Variants in GRTP1 observed in about 807,000 individuals in gnomAD.
GRTP1 encodes growth hormone-regulated TBC protein 1.
Under a neutral mutation model 38.1 loss-of-function variants are expected in GRTP1, and 56 were observed. That is an observed-to-expected ratio of 1.47 (90% CI 1.19 to 1.84). The LOEUF (loss-of-function observed/expected upper bound fraction) is 1.84. Ranked by LOEUF, GRTP1 falls within the 40% of genes most tolerant of loss-of-function variation. The pLI, the probability that GRTP1 is intolerant of heterozygous loss-of-function variation, is 0.00. For missense variants in GRTP1, 506 were observed against 453.9 expected (o/e 1.11, Z -1.04); for synonymous variants, 217 against 189.5 (o/e 1.14, Z -1.19).
chr13:113,358,938 C>A (rs1372667181), intron 2 of GRTP1, among the ~76,000 whole-genome samples: 5 of 152,164 alleles, frequency 3.3e-5, no homozygotes, highest in African/African-American at 9.7e-5. Context: ...AAATGAAGAC[C>A]AAGTTCACAC....
chr13:113,336,011 G>A (rs2042949357), intron 5 of GRTP1, among the ~76,000 whole-genome samples: 1 of 151,882 alleles, frequency 6.6e-6, no homozygotes, highest in Non-Finnish European at 1.5e-5. Context: ...AGGCTGGTCT[G>A]AAACTCCTGA....
intron 4 of GRTP1, 72 bp downstream of exon 4, chr13:113,350,777 T>TG (rs2043250120): frequency 7.2e-7 from 1 of 1,382,686 alleles, no homozygotes; most frequent in South Asian, 1.5e-5. Context: ...AGGCCGTCAC[T>TG]GCCGAGCCTG....
intron 3 of GRTP1, among the ~76,000 whole-genome samples, chr13:113,352,177 T>A (rs1447177624): frequency 6.8e-6 from 1 of 147,370 alleles, no homozygotes; most frequent in African/African-American, 2.5e-5. Flanking sequence ...TATTTCAGAC[T>A]AGAGTGACCA....
chr13:113,334,979 C>T (rs536575880), intron 5 of GRTP1, among the ~76,000 whole-genome samples: 10 of 151,948 alleles, frequency 6.6e-5, no homozygotes, highest in East Asian at 3.9e-4. Context: ...CCCGCCACCA[C>T]GCCCGGCTAA....
At chr13:113,340,546 A>G (rs564024373) in intron 5 of GRTP1, among the ~76,000 whole-genome samples, 96 of 152,102 alleles carry the variant, frequency 6.3e-4, no homozygotes, top group African/African-American at 2.2e-3. Context: ...TTGGGAGGCC[A>G]AGGTGGGCGG....
intron 4 of GRTP1, among the ~76,000 whole-genome samples, chr13:113,347,985 C>A (rs1046269894): frequency 2.6e-5 from 4 of 151,042 alleles, no homozygotes; most frequent in Admixed American, 2.6e-4. Flanking sequence ...CGAGAGCAGA[C>A]CTGGGAGGAC....
chr13:113,326,047 C>A lies in GRTP1; in HGVS notation c.607G>T (p.Val203Phe), dbSNP rs752731254. Residue 203 changes from valine (V) to phenylalanine (F), a missense_variant, in exon 6 of 8, where the codon GTC becomes TTC. Transcript: ENST00000375431. ...TTCGCCCGCACCAGCTCCCCGAGGA[C>A]CTCCTGGTCGGTCTTCAGGCCCAGC... is the stretch of plus-strand genomic sequence containing the variant. The part of the protein sequence containing the change: ...AMLGLKTDQE[V>F]LGELVRAKLP... 1.9e-6 allele frequency: 3 copies of A among 1,612,712 alleles called. No homozygotes were observed. The highest frequency in any genetic ancestry group is 2.5e-6 in the Non-Finnish European group (3 of 1,179,956).
chr13:113,335,405 A>G (rs2042941570), intron 5 of GRTP1, among the ~76,000 whole-genome samples: 1 of 147,232 alleles, frequency 6.8e-6, no homozygotes, highest in African/African-American at 2.5e-5. Context: ...CCTGAGAGAC[A>G]GAGCGGGACT....
chr13:113,352,605 A>G (rs926814228), intron 3 of GRTP1, among the ~76,000 whole-genome samples: 1 of 151,844 alleles, frequency 6.6e-6, no homozygotes, highest in Non-Finnish European at 1.5e-5. Flanking sequence ...TGAACTCCTG[A>G]GCTCAACTAA....
chr13:113,352,372 A>T (rs1451536927), intron 3 of GRTP1, among the ~76,000 whole-genome samples: 7 of 128,028 alleles, frequency 5.5e-5, no homozygotes, highest in Non-Finnish European at 1.1e-4. Context: ...ATATATATAT[A>T]TATATTTATA....
intron 5 of GRTP1, among the ~76,000 whole-genome samples, chr13:113,328,751 G>A (rs2139397606): frequency 6.6e-6 from 1 of 152,270 alleles, no homozygotes; most frequent in East Asian, 1.9e-4. Flanking sequence ...AGAATTCCTG[G>A]GCAGCCAAAA....
At chr13:113,326,115 A>G in intron 5 of GRTP1, 24 bp from the exon 6 acceptor site, 1 of 1,588,742 alleles carries the variant, frequency 6.3e-7, no homozygotes, top group Non-Finnish European at 8.5e-7. Context: ...TGGAGAAAAG[A>G]CCCCGAGACA....
At chr13:113,354,486 G>A (rs529698234) in intron 3 of GRTP1, among the ~76,000 whole-genome samples, 107 of 152,248 alleles carry the variant, frequency 7.0e-4, no homozygotes, top group African/African-American at 2.5e-3. Flanking sequence ...AAATCAGAAG[G>A]GCAGATGTAC....
chr13:113,352,246 A>ATATATATTTC (rs2043282334), intron 3 of GRTP1, among the ~76,000 whole-genome samples: 1 of 86,144 alleles, frequency 1.2e-5, no homozygotes, highest in Non-Finnish European at 2.2e-5. Flanking sequence ...ATATATATTT[A>ATATATATTTC]TATATATTTA....
intron 5 of GRTP1, 85 bp downstream of exon 5, chr13:113,344,774 TTTAA>T: frequency 8.6e-7 from 1 of 1,166,650 alleles, no homozygotes; most frequent in East Asian, 2.6e-5. Context: ...TCAACCATGT[TTTAA>T]TTAAATTTTG....
intron 5 of GRTP1, among the ~76,000 whole-genome samples, chr13:113,332,595 G>C (rs1402469585): frequency 2.0e-5 from 3 of 152,186 alleles, no homozygotes; most frequent in Non-Finnish European, 4.4e-5. Flanking sequence ...CCAGTTCCCA[G>C]ATCCCACCCG....
intron 5 of GRTP1, among the ~76,000 whole-genome samples, chr13:113,338,772 T>C (rs1157009927): frequency 6.6e-6 from 1 of 152,140 alleles, no homozygotes; most frequent in East Asian, 1.9e-4. Flanking sequence ...TCTTTCCATT[T>C]CCACCTTCAT....
At chr13:113,340,008 GATTA>G (rs1361188304) in intron 5 of GRTP1, 5 of 151,902 alleles carry the variant, frequency 3.3e-5, no homozygotes, top group Non-Finnish European at 5.9e-5. Context: ...CTGCAAGATT[GATTA>G]ATTAATCAGT....
intron 4 of GRTP1, among the ~76,000 whole-genome samples, chr13:113,347,358 A>G (rs1173252343): frequency 5.1e-4 from 30 of 58,910 alleles, no homozygotes; most frequent in Admixed American, 8.6e-4. Context: ...GGCCAAGAAC[A>G]GATCCGGGAG....
Sources: allele counts gnomAD v4.1 joint callset (sites outside exome capture counted in the v4.1 genomes callset), GRCh38; gene constraint gnomAD v4.1.1; transcripts MANE v1.5; gene names NCBI Gene and HGNC (gene_info 2026-07-23, HGNC 2026-07-21).